Variants in CDC23 observed in about 807,000 individuals in gnomAD.
The protein encoded by CDC23 is cell division cycle 23, also known as cell division cycle protein 23 homolog.
A neutral mutation model predicts 81.7 loss-of-function variants in CDC23; 26 were observed. The observed-to-expected ratio is 0.32, with a 90% CI of 0.23 to 0.44. The LOEUF is 0.44. CDC23 is among the 20% of genes least tolerant of loss of function. The probability of loss-of-function intolerance (pLI) is 1.00; values close to 1 mark genes in which losing one functional copy is unlikely to be tolerated. For missense variants in CDC23, 519 were observed against 728.0 expected (o/e 0.71, Z 3.30); for synonymous variants, 267 against 270.8 (o/e 0.99, Z 0.14).
intron 9 of CDC23, among the ~76,000 whole-genome samples, chr5:138,195,781 T>C (rs529390959): frequency 9.6e-4 from 119 of 124,392 alleles, no homozygotes; most frequent in African/African-American, 2.6e-3. Context: ...TGTGTATATA[T>C]ACATATATTT....
chr5:138,189,164 G>T lies in CDC23; in HGVS notation c.1624-16C>A, dbSNP rs771758893. On this transcript the variant is annotated splice_polypyrimidine_tract_variant and intron_variant, in intron 15 of 15. Coordinates refer to ENST00000394886, the MANE Select transcript of CDC23 (RefSeq NM_004661.4). ...CTTCCCGGGTCTGCAACAAAGTCAG[G>T]GAAATGTTTCAAAACATGTCCAAAG... 2.5e-6 allele frequency: 4 copies of T among 1,609,622 alleles called. No homozygotes were observed. In the African/African-American group the frequency reaches 4.0e-5, roughly 16 times the overall value.
intron 2 of CDC23, among the ~76,000 whole-genome samples, chr5:138,211,633 C>T (rs1755114310): frequency 6.6e-6 from 1 of 151,280 alleles, no homozygotes; most frequent in Admixed American, 6.6e-5. Context: ...GCACTCCAGC[C>T]TGGGCAACAA....
At chr5:138,195,502 A>T (rs978445300) in intron 9 of CDC23, among the ~76,000 whole-genome samples, 9 of 128,200 alleles carry the variant, frequency 7.0e-5, no homozygotes, top group Admixed American at 3.0e-4. Context: ...ATATGTAAAA[A>T]ATATATATAT....
chr5:138,212,876 C>A, intron 2 of CDC23, 115 bp downstream of exon 2: 1 of 786,300 alleles, frequency 1.3e-6, no homozygotes, highest in East Asian at 2.5e-5. Flanking sequence ...GCCTGAATTC[C>A]CTCTACAAAC....
intron 3 of CDC23, among the ~76,000 whole-genome samples, chr5:138,204,504 C>CAA (rs200166996): frequency 2.8e-5 from 3 of 106,138 alleles, no homozygotes; most frequent in African/African-American, 1.3e-4. Flanking sequence ...GACTCCATTT[C>CAA]AAAAAAAAAA....
chr5:138,194,466 G>T (rs1238673712), intron 9 of CDC23, among the ~76,000 whole-genome samples: 1 of 152,056 alleles, frequency 6.6e-6, no homozygotes, highest in Admixed American at 6.6e-5. Context: ...ACTAAATATT[G>T]CAAGAATCTA....
chr5:138,195,647 T>A (rs1398615563), intron 9 of CDC23, among the ~76,000 whole-genome samples: 1 of 116,898 alleles, frequency 8.6e-6, no homozygotes, highest in Non-Finnish European at 1.7e-5. Context: ...ACATATATAA[T>A]ATATATTATA....
chr5:138,199,827 C>T (rs969701942), intron 6 of CDC23, among the ~76,000 whole-genome samples: 4 of 152,188 alleles, frequency 2.6e-5, no homozygotes, highest in Non-Finnish European at 5.9e-5. Context: ...GTCTAGTAGG[C>T]AGTTACACAT....
Position 138,213,286 on chromosome 5 carries a change from C to G in CDC23, c.27G>C (p.Pro9=). The part of the protein sequence containing the change: MAASTSMV[P]VAVTAAVAPV... ...GCGCCACTGCCGCCGTCACAGCCAC[C>G]GGGACCATGGAGGTACTCGCAGCCA... The change falls in exon 1 of 16, where the codon CCG becomes CCC. Residue 9 remains proline, a synonymous_variant. Coordinates refer to ENST00000394886, the MANE Select transcript of CDC23 (RefSeq NM_004661.4). The G allele has an allele frequency of 6.2e-7, 1 of 1,614,046 alleles. No individual in the cohort carries two copies. Among genetic ancestry groups the G allele is most frequent in the South Asian group, 1.1e-5 (1 of 91,072 alleles).
At position 138,198,438 on chromosome 5, in the gene CDC23, A is replaced by T; in HGVS notation, c.918T>A (p.Leu306=). The part of the protein sequence containing the change: ...RIENMDTFSN[L]LYVRSMKSEL... ...GGAAGCAGCTCACCCTGACATAAAG[A>T]AGGTTGGAGAATGTGTCCATATTTT... The change falls in exon 8 of 16, where the codon CTT becomes CTA. Residue 306 remains leucine (L), a synonymous_variant. Coordinates refer to ENST00000394886, the MANE Select transcript of CDC23 (RefSeq NM_004661.4). 1 of 1,613,926 alleles carries T rather than the reference A, an allele frequency of 6.2e-7. No individual in the cohort carries two copies. Among genetic ancestry groups the T allele is most frequent in the Non-Finnish European group, 8.5e-7 (1 of 1,179,864 alleles).
At chr5:138,198,128 T>A in intron 9 of CDC23, 71 bp downstream of exon 9, 1 of 1,151,258 alleles carries the variant, frequency 8.7e-7, no homozygotes, top group Non-Finnish European at 1.3e-6. Context: ...CCTAGCTAAT[T>A]GTGGTTATTT....
chr5:138,192,460 T>C (rs907874332), intron 10 of CDC23, 44 bp downstream of exon 10: 1 of 1,613,450 alleles, frequency 6.2e-7, no homozygotes, highest in Non-Finnish European at 8.5e-7. Context: ...TAGAGGCTCC[T>C]AACCACAGCA....
chr5:138,202,731 G>A (rs1755002961), intron 3 of CDC23, among the ~76,000 whole-genome samples: 1 of 152,198 alleles, frequency 6.6e-6, no homozygotes. Flanking sequence ...AAATAAATGG[G>A]GAAAGGGAGG....
Position 138,189,168 on chromosome 5 carries a change from A to C in CDC23, c.1624-20T>G. 6.2e-7 allele frequency: 1 copy of C among 1,609,230 alleles called. No homozygotes were observed. The highest frequency in any genetic ancestry group is 2.2e-5 in the East Asian group (1 of 44,806). On this transcript the variant is annotated intron_variant, in intron 15 of 15. Transcript: ENST00000394886. ...CCGGGTCTGCAACAAAGTCAGGGAA[A>C]TGTTTCAAAACATGTCCAAAGCTAG...
Position 138,198,192 on chromosome 5 carries a change from T to C in CDC23, c.1012+7A>G. 3.8e-6 allele frequency: 6 copies of C among 1,592,854 alleles called. No homozygotes were observed. The highest frequency in any genetic ancestry group is 4.3e-6 in the Non-Finnish European group (5 of 1,162,736). On this transcript the variant is annotated splice_region_variant and intron_variant, in intron 9 of 15. Transcript: ENST00000394886. ...ATCTTAAAAGAAAAAATGTAGTTAATTCTTACCAATTACACAGCACGTTTC... is the reference window on the plus strand; with the variant it reads ...ATCTTAAAAGAAAAAATGTAGTTAACTCTTACCAATTACACAGCACGTTTC...
intron 9 of CDC23, 110 bp from the exon 10 acceptor site, chr5:138,192,767 T>TA (rs1269350571): frequency 5.4e-6 from 5 of 934,068 alleles, no homozygotes; most frequent in Non-Finnish European, 7.9e-6. Context: ...CCATTCCCTC[T>TA]AAAGTCCTGG....
At chr5:138,203,411 C>A (rs1755012025) in intron 3 of CDC23, among the ~76,000 whole-genome samples, 1 of 151,826 alleles carries the variant, frequency 6.6e-6, no homozygotes, top group Non-Finnish European at 1.5e-5. Context: ...GAATCTAAAA[C>A]TGCTCTAAAA....
intron 9 of CDC23, 48 bp from the exon 10 acceptor site, chr5:138,192,705 A>G (rs770715961): frequency 2.6e-6 from 4 of 1,562,648 alleles, no homozygotes; most frequent in Non-Finnish European, 2.6e-6. Context: ...AGGTAAAAAT[A>G]AAAGTCCATT....
intron 6 of CDC23, among the ~76,000 whole-genome samples, chr5:138,200,622 C>T (rs1241393906): frequency 1.3e-5 from 2 of 152,022 alleles, no homozygotes; most frequent in Admixed American, 6.6e-5. Flanking sequence ...GAGTTCGAAG[C>T]CAGCCTGGCC....
Sources: gnomAD v4.1 joint callset for allele counts (sites outside exome capture counted in the v4.1 genomes callset) on GRCh38, gnomAD v4.1.1 for gene constraint, MANE v1.5 for transcripts, NCBI Gene and HGNC (gene_info 2026-07-23, HGNC 2026-07-21) for gene names.